The following EFNA5 variants were observed in gnomAD, a reference collection of about 807,000 sequenced individuals.
The protein encoded by EFNA5 is ephrin A5, also known as ephrin-A5.
Under a neutral mutation model 22.9 loss-of-function variants are expected in EFNA5, and 5 were observed. The observed-to-expected ratio is 0.22, with a 90% confidence interval of 0.11 to 0.46. EFNA5 has a LOEUF of 0.46. EFNA5 is among the 20% of genes least tolerant of loss of function. EFNA5 has a pLI of 0.99. For missense variants in EFNA5, 237 were observed against 293.3 expected (o/e 0.81, Z 1.40); for synonymous variants, 113 against 112.2 (o/e 1.01, Z -0.04).
At chr5:107,635,952 A>G (rs1750364987) in intron 1 of EFNA5, among the ~76,000 whole-genome samples, 11 of 152,246 alleles carry the variant, frequency 7.2e-5, no homozygotes, top group Admixed American at 7.2e-4. Flanking sequence ...TGAAAATATT[A>G]TTAAAGCATC....
intron 2 of EFNA5, among the ~76,000 whole-genome samples, chr5:107,419,966 T>C (rs946941928): frequency 6.6e-6 from 1 of 152,144 alleles, no homozygotes; most frequent in Non-Finnish European, 1.5e-5. Flanking sequence ...CAATGAACAG[T>C]GAAAAAGACT....
chr5:107,495,506 A>G (rs1475647491), intron 1 of EFNA5, among the ~76,000 whole-genome samples: 1 of 152,216 alleles, frequency 6.6e-6, no homozygotes, highest in Non-Finnish European at 1.5e-5. Context: ...GAACCCACCA[A>G]TTCTGGACAC....
intron 1 of EFNA5, among the ~76,000 whole-genome samples, chr5:107,662,954 CAT>C (rs1750994934): frequency 6.6e-6 from 1 of 151,934 alleles, no homozygotes; most frequent in Non-Finnish European, 1.5e-5. Flanking sequence ...TGTATGGAAA[CAT>C]GGTACAGCCC....
rs1371667856 is a variant in EFNA5, at chr5:107,606,244, T to C, written c.125+64245A>G. ...TCCCAAACTGTGGTATTATTACCTG[T>C]AACATAATGAACATTAAAATTGATT... On this transcript the variant is annotated intron_variant, in intron 1 of 4. Coordinates refer to ENST00000333274, the MANE Select transcript of EFNA5 (RefSeq NM_001962.3). Among the ~76,000 whole-genome samples, 8 of 152,316 alleles carry C rather than the reference T, an allele frequency of 5.3e-5. No homozygotes were observed. The East Asian group carries it at 1.5e-3, about 29-fold the overall frequency.
chr5:107,402,333 T>C (rs1748108215), intron 2 of EFNA5, among the ~76,000 whole-genome samples: 1 of 152,214 alleles, frequency 6.6e-6, no homozygotes, highest in Non-Finnish European at 1.5e-5. Flanking sequence ...TAGCGAGGGC[T>C]GTCTTGAACA....
chr5:107,423,142 A>T (rs1007808077), intron 2 of EFNA5, among the ~76,000 whole-genome samples: 1 of 152,176 alleles, frequency 6.6e-6, no homozygotes, highest in African/African-American at 2.4e-5. Context: ...TGTAGAGTTC[A>T]AACTCCAGAT....
At chr5:107,641,106 C>T (rs1750500066) in intron 1 of EFNA5, among the ~76,000 whole-genome samples, 1 of 151,976 alleles carries the variant, frequency 6.6e-6, no homozygotes, top group African/African-American at 2.4e-5. Flanking sequence ...ACCTGTAATC[C>T]CAGCACTTTG....
intron 2 of EFNA5, among the ~76,000 whole-genome samples, chr5:107,399,361 AAAGG>A (rs1374976772): frequency 5.4e-5 from 8 of 149,242 alleles, no homozygotes; most frequent in African/African-American, 2.0e-4. Context: ...AAAGGAAAGG[AAAGG>A]AAGGAGGGAG....
At chr5:107,479,026 T>A (rs1308744547) in intron 1 of EFNA5, among the ~76,000 whole-genome samples, 1 of 152,194 alleles carries the variant, frequency 6.6e-6, no homozygotes, top group East Asian at 1.9e-4. Flanking sequence ...GTAATTTTAA[T>A]TTAGATTAAA....
intron 2 of EFNA5, among the ~76,000 whole-genome samples, chr5:107,418,442 G>A (rs1422482293): frequency 1.3e-5 from 2 of 152,168 alleles, no homozygotes; most frequent in Non-Finnish European, 2.9e-5. Context: ...ATGCAACCAC[G>A]TTTGACATTT....
intron 1 of EFNA5, among the ~76,000 whole-genome samples, chr5:107,614,484 T>A (rs10079148): frequency 0.08 from 12,113 of 152,190 alleles, 1,198 homozygotes; most frequent in African/African-American, 0.23. Context: ...TCATATGAGA[T>A]AACACTCAGC....
rs78845468 is a variant in EFNA5, at chr5:107,634,097, C to G, written c.125+36392G>C. On this transcript the variant is annotated intron_variant, in intron 1 of 4. Transcript: ENST00000333274. ...TTTAATGGTAAAGTGTAATTGGGAG[C>G]TGGCAGGGGATAACAGATACAGTAG... 5.9e-3 allele frequency among the ~76,000 whole-genome samples: 899 copies of G among 152,288 alleles called. 7 individuals carry two copies. The highest frequency in any genetic ancestry group is 0.02 in the African/African-American group (827 of 41,562).
intron 1 of EFNA5, among the ~76,000 whole-genome samples, chr5:107,431,571 A>C (rs1040069025): frequency 2.6e-5 from 4 of 152,210 alleles, no homozygotes; most frequent in African/African-American, 9.7e-5. Context: ...CAACGTGCCC[A>C]ATATTACACA....
intron 1 of EFNA5, among the ~76,000 whole-genome samples, chr5:107,476,572 C>T (rs1464337682): frequency 6.6e-6 from 1 of 152,002 alleles, no homozygotes; most frequent in Non-Finnish European, 1.5e-5. Flanking sequence ...ATGACCAGTT[C>T]AATAGGGATA....
intron 1 of EFNA5, among the ~76,000 whole-genome samples, chr5:107,440,334 T>C (rs960225863): frequency 6.6e-6 from 1 of 152,200 alleles, no homozygotes; most frequent in African/African-American, 2.4e-5. Context: ...ACAGAGAATA[T>C]AGTTGTTTTT....
In EFNA5 at chr5:107,379,547, C is replaced by CAAAAAA. The variant is rs10627229; in HGVS notation, c.*1702_*1707dup. The CAAAAAA allele has an allele frequency of 8.3e-5, 9 of 108,840 alleles. No homozygotes were observed. The highest frequency in any genetic ancestry group is 1.8e-4 in the African/African-American group (5 of 28,546). The allele number at this position is 108,840 out of a possible 1,614,324, so 6.7% of individuals were successfully genotyped here. A position where few individuals can be genotyped will look rare whatever the true frequency, so the allele number is the denominator to read the frequency against. ...TTTCTGTTGACATGTCGTGCAAAGC[C>CAAAAAA]AAAAAAAAAAAAAAAAAAAGGGCTG... On this transcript the variant is annotated 3_prime_UTR_variant, in exon 5 of 5. Coordinates refer to ENST00000333274, the MANE Select transcript of EFNA5 (RefSeq NM_001962.3).
chr5:107,423,708 C>T (rs1748734605), intron 2 of EFNA5, among the ~76,000 whole-genome samples: 1 of 152,098 alleles, frequency 6.6e-6, no homozygotes, highest in East Asian at 1.9e-4. Context: ...ACCAAAATAA[C>T]TCCTGTAGAT....
intron 1 of EFNA5, among the ~76,000 whole-genome samples, chr5:107,438,668 C>G (rs1749178547): frequency 6.6e-6 from 1 of 152,120 alleles, no homozygotes; most frequent in African/African-American, 2.4e-5. Flanking sequence ...AGGCTCCCAC[C>G]AGAGTCACCA....
intron 1 of EFNA5, among the ~76,000 whole-genome samples, chr5:107,466,965 C>A (rs959914066): frequency 1.3e-5 from 2 of 151,940 alleles, no homozygotes; most frequent in Non-Finnish European, 2.9e-5. Context: ...TTTTATTCTT[C>A]CACAGCTCAG....
Sources: gnomAD v4.1 joint callset for allele counts (sites outside exome capture counted in the v4.1 genomes callset) on GRCh38, gnomAD v4.1.1 for gene constraint, MANE v1.5 for transcripts, NCBI Gene and HGNC (gene_info 2026-07-23, HGNC 2026-07-21) for gene names.